PRICKLE2: variants seen among roughly 807,000 people sequenced by gnomAD.
PRICKLE2 encodes prickle-like protein 2.
PRICKLE2 carries 21 observed loss-of-function variants against 81.4 expected under a neutral mutation model. The ratio of observed to expected loss-of-function variants is 0.26; its 90% confidence interval spans 0.18 to 0.37. The LOEUF is 0.37. Among genes scored for constraint, PRICKLE2 ranks in the 10% least tolerant of loss-of-function variants. The pLI, the probability that PRICKLE2 is intolerant of heterozygous loss-of-function variation, is 1.00. For synonymous variants in PRICKLE2, 456 were observed against 421.5 expected, an observed-to-expected ratio of 1.08 and a Z score of -1.00; for missense variants, 940 against 1,109.0, an observed-to-expected ratio of 0.85 and a Z score of 2.16.
chr3:64,154,181 CT>C (rs1362186530), intron 5 of PRICKLE2: 1 of 152,146 alleles, frequency 6.6e-6, no homozygotes, highest in Non-Finnish European at 1.5e-5. Flanking sequence ...ACAAACAGAG[CT>C]GGGACAACAG....
intron 1 of PRICKLE2, among the ~76,000 whole-genome samples, chr3:64,201,304 T>C (rs2078574367): frequency 6.6e-6 from 1 of 152,222 alleles, no homozygotes; most frequent in South Asian, 2.1e-4. Context: ...ATTTAACATT[T>C]TGAGGAACTC....
intron 7 of PRICKLE2, among the ~76,000 whole-genome samples, chr3:64,120,547 T>C (rs1358690870): frequency 1.3e-5 from 2 of 152,142 alleles, no homozygotes; most frequent in East Asian, 1.9e-4. Flanking sequence ...TTCAGAAGCA[T>C]GCAAGTCGCC....
intron 2 of PRICKLE2, among the ~76,000 whole-genome samples, chr3:64,177,526 T>C (rs2078047786): frequency 6.6e-6 from 1 of 152,136 alleles, no homozygotes; most frequent in Non-Finnish European, 1.5e-5. Flanking sequence ...CAAAACTTTT[T>C]CATCATGTTA....
intron 7 of PRICKLE2, among the ~76,000 whole-genome samples, chr3:64,134,897 A>T (rs1028969738): frequency 6.6e-6 from 1 of 152,248 alleles, no homozygotes; most frequent in Non-Finnish European, 1.5e-5. Flanking sequence ...TAAAGACTGA[A>T]CTGGACTTTT....
intron 2 of PRICKLE2, among the ~76,000 whole-genome samples, chr3:64,180,769 G>A (rs998904583): frequency 6.6e-5 from 10 of 152,154 alleles, no homozygotes; most frequent in Admixed American, 1.3e-4. Context: ...CTGACCTCAC[G>A]TGATCCACCC....
intron 7 of PRICKLE2, among the ~76,000 whole-genome samples, chr3:64,117,333 T>C (rs1017642221): frequency 6.6e-6 from 1 of 152,114 alleles, no homozygotes; most frequent in Non-Finnish European, 1.5e-5. Context: ...CAACATAGTA[T>C]TAGGAGTCCT....
At chr3:64,198,721 G>T (rs696017) in intron 2 of PRICKLE2, 63 bp downstream of exon 2, 189,640 of 1,518,848 alleles carry the variant, frequency 0.12, 13,966 homozygotes, top group East Asian at 0.37. Flanking sequence ...CTGGAATGAG[G>T]AAGGACCAGT....
At chr3:64,262,201 C>T (rs991604226) in intron 2 of PRICKLE2, among the ~76,000 whole-genome samples, 4 of 152,114 alleles carry the variant, frequency 2.6e-5, no homozygotes, top group Non-Finnish European at 5.9e-5. Flanking sequence ...CCCTCTCACC[C>T]TCACCTGCTA....
intron 2 of PRICKLE2, among the ~76,000 whole-genome samples, chr3:64,240,496 C>G (rs1257171807): frequency 6.6e-6 from 1 of 152,166 alleles, no homozygotes; most frequent in East Asian, 1.9e-4. Context: ...CTGCAGGACT[C>G]CCGGGATCCA....
chr3:64,265,327 A>G (rs746437499), intron 2 of PRICKLE2, among the ~76,000 whole-genome samples: 6 of 152,208 alleles, frequency 3.9e-5, no homozygotes, highest in Non-Finnish European at 5.9e-5. Flanking sequence ...AAGTCTCATT[A>G]TATTCAACTA....
intron 7 of PRICKLE2, among the ~76,000 whole-genome samples, chr3:64,140,636 C>A (rs966168201): frequency 6.6e-6 from 1 of 152,130 alleles, no homozygotes; most frequent in Non-Finnish European, 1.5e-5. Flanking sequence ...GTGGCTTGAG[C>A]CCTGACCTCT....
At chr3:64,139,776 T>C (rs1259921972) in intron 7 of PRICKLE2, among the ~76,000 whole-genome samples, 1 of 152,210 alleles carries the variant, frequency 6.6e-6, no homozygotes, top group African/African-American at 2.4e-5. Flanking sequence ...CCATAGGACC[T>C]TCTGACAACT....
At chr3:64,103,735 T>G (rs1019159273) in intron 7 of PRICKLE2, among the ~76,000 whole-genome samples, 1 of 152,172 alleles carries the variant, frequency 6.6e-6, no homozygotes, top group Non-Finnish European at 1.5e-5. Flanking sequence ...ATCCCAGCAC[T>G]TTGGGAGGCC....
intron 2 of PRICKLE2, among the ~76,000 whole-genome samples, chr3:64,232,729 C>A (rs2079124090): frequency 6.6e-6 from 1 of 152,198 alleles, no homozygotes; most frequent in Admixed American, 6.5e-5. Flanking sequence ...TCAAGACCAA[C>A]TGCCTATGTC....
chr3:64,160,174 A>C, intron 3 of PRICKLE2, 97 bp from the exon 4 acceptor site: 3 of 1,358,402 alleles, frequency 2.2e-6, no homozygotes, highest in Non-Finnish European at 3.1e-6. Flanking sequence ...ATACACTCTC[A>C]TTTGGTTTTA....
chr3:64,174,826 A>G, intron 2 of PRICKLE2: 1 of 215,214 alleles, frequency 4.6e-6, no homozygotes, highest in East Asian at 1.1e-4. Context: ...ACCAAGAAAG[A>G]ATGGTGATTT....
chr3:64,149,520 A>C (rs1234159372), intron 6 of PRICKLE2, among the ~76,000 whole-genome samples: 2 of 152,158 alleles, frequency 1.3e-5, no homozygotes, highest in Admixed American at 1.3e-4. Flanking sequence ...TCAAGCTATG[A>C]CTGTAGGGTG....
chr3:64,193,484 C>T (rs930382525), intron 2 of PRICKLE2, among the ~76,000 whole-genome samples: 1 of 152,090 alleles, frequency 6.6e-6, no homozygotes, highest in Non-Finnish European at 1.5e-5. Context: ...TAATCCAGAT[C>T]GAAATATACT....
intron 6 of PRICKLE2, among the ~76,000 whole-genome samples, chr3:64,150,433 C>T (rs1484816729): frequency 6.6e-6 from 1 of 152,008 alleles, no homozygotes; most frequent in African/African-American, 2.4e-5. Flanking sequence ...TCTTTTATTG[C>T]GTTAGGTCTG....
Sources: gnomAD v4.1 joint callset for allele counts (sites outside exome capture counted in the v4.1 genomes callset) on GRCh38, gnomAD v4.1.1 for gene constraint, MANE v1.5 for transcripts, NCBI Gene and HGNC (gene_info 2026-07-23, HGNC 2026-07-21) for gene names.